The following UNC5D variants were observed in gnomAD, a reference collection of about 807,000 sequenced individuals.
UNC5D encodes the protein netrin receptor UNC5D.
In UNC5D, 39 loss-of-function variants were observed where a neutral mutation model predicts 105.4. That is an observed-to-expected ratio of 0.37 (90% CI 0.29 to 0.48). UNC5D has a LOEUF of 0.48. UNC5D is among the 20% of genes least tolerant of loss of function. UNC5D has a pLI of 0.98. For synonymous variants in UNC5D, 452 were observed against 450.4 expected, an observed-to-expected ratio of 1.00 and a Z score of -0.04; for missense variants, 991 against 1,202.4, an observed-to-expected ratio of 0.82 and a Z score of 2.60.
intron 1 of UNC5D, among the ~76,000 whole-genome samples, chr8:35,381,749 T>TTTGCTC (rs1186056558): frequency 6.6e-6 from 1 of 152,190 alleles, no homozygotes; most frequent in African/African-American, 2.4e-5. Context: ...ATATTGAAGT[T>TTTGCTC]TTGCTCCTTT....
chr8:35,500,289 C>T (rs62505510), intron 1 of UNC5D, among the ~76,000 whole-genome samples: 14,196 of 152,106 alleles, frequency 0.093, 929 homozygotes, highest in Non-Finnish European at 0.14. Context: ...CATTATATGG[C>T]GAGAGGGAGA....
At chr8:35,293,946 A>G (rs1395672411) in intron 1 of UNC5D, among the ~76,000 whole-genome samples, 1 of 152,132 alleles carries the variant, frequency 6.6e-6, no homozygotes. Flanking sequence ...TTTGTGTTGA[A>G]TACATGGGGT....
chr8:35,491,317 A>G (rs997736751), intron 1 of UNC5D, among the ~76,000 whole-genome samples: 3 of 152,190 alleles, frequency 2.0e-5, no homozygotes, highest in African/African-American at 7.2e-5. Flanking sequence ...TTAAATAAGC[A>G]TAACCTGAAC....
intron 1 of UNC5D, among the ~76,000 whole-genome samples, chr8:35,306,435 C>T (rs141874857): frequency 2.3e-3 from 346 of 152,018 alleles, no homozygotes; most frequent in Non-Finnish European, 3.9e-3. Flanking sequence ...TTTAGCCAGT[C>T]CTAACATGTT....
chr8:35,302,721 T>C (rs945652321), intron 1 of UNC5D, among the ~76,000 whole-genome samples: 1 of 152,196 alleles, frequency 6.6e-6, no homozygotes. Flanking sequence ...AAACTTACGG[T>C]ATAGGTAATA....
chr8:35,239,568 T>C (rs1382473291), intron 1 of UNC5D, among the ~76,000 whole-genome samples: 1 of 152,050 alleles, frequency 6.6e-6, no homozygotes, highest in Non-Finnish European at 1.5e-5. Flanking sequence ...AAGTGATTTA[T>C]TCCATAGCAT....
intron 2 of UNC5D, among the ~76,000 whole-genome samples, chr8:35,562,012 A>G (rs1163199455): frequency 6.6e-6 from 1 of 152,102 alleles, no homozygotes; most frequent in East Asian, 1.9e-4. Context: ...CCCATTCTTC[A>G]ACCTGTCTTC....
chr8:35,576,194 C>G (rs1242500740), intron 3 of UNC5D, among the ~76,000 whole-genome samples: 1 of 152,182 alleles, frequency 6.6e-6, no homozygotes, highest in Admixed American at 6.5e-5. Context: ...TGCATTAAAT[C>G]AAGCATGGAA....
At position 35,453,347 on chromosome 8, in the gene UNC5D, T is replaced by C. The variant is rs548331147; in HGVS notation, c.104-95945T>C. On this transcript the variant is annotated intron_variant, in intron 1 of 16. Coordinates refer to ENST00000404895, the MANE Select transcript of UNC5D (RefSeq NM_080872.4). ...TTTATGAAGCAAAGGTGTTGTACTG[T>C]GAGGGTCTTGAAAAATGGGTGTGCT... Among the ~76,000 whole-genome samples the C allele has an allele frequency of 1.6e-4, 24 of 152,192 alleles. No individual in the cohort carries two copies. The East Asian group carries it at 4.6e-3, about 29-fold the overall frequency.
At chr8:35,342,463 C>T (rs1009257393) in intron 1 of UNC5D, among the ~76,000 whole-genome samples, 11 of 152,086 alleles carry the variant, frequency 7.2e-5, no homozygotes, top group Admixed American at 1.3e-4. Context: ...AATCCACCAT[C>T]GGCAGATAAT....
intron 9 of UNC5D, 116 bp downstream of exon 9, chr8:35,722,511 T>C (rs1828637834): frequency 1.5e-6 from 2 of 1,351,960 alleles, no homozygotes; most frequent in African/African-American, 1.5e-5. Context: ...TGGGAGCCGC[T>C]ACCAAATTGT....
At chr8:35,312,607 A>G (rs1031320182) in intron 1 of UNC5D, among the ~76,000 whole-genome samples, 1 of 152,162 alleles carries the variant, frequency 6.6e-6, no homozygotes, top group Admixed American at 6.5e-5. Context: ...ACAAGGTAAA[A>G]TTTTAAAATG....
chr8:35,472,707 G>A (rs1809820237), intron 1 of UNC5D, among the ~76,000 whole-genome samples: 1 of 152,200 alleles, frequency 6.6e-6, no homozygotes, highest in Admixed American at 6.5e-5. Flanking sequence ...GGAGAATCCT[G>A]TTGAAGCTCA....
intron 1 of UNC5D, among the ~76,000 whole-genome samples, chr8:35,464,733 T>G (rs1347287143): frequency 2.0e-5 from 3 of 152,234 alleles, no homozygotes. Flanking sequence ...TTTTATTGAC[T>G]CATGTAGCTT....
intron 1 of UNC5D, among the ~76,000 whole-genome samples, chr8:35,298,996 A>C (rs1807715584): frequency 6.6e-6 from 1 of 152,150 alleles, no homozygotes; most frequent in Admixed American, 6.5e-5. Context: ...CTTCAAAGAC[A>C]ATGTCTCCAC....
At chr8:35,567,593 G>A (rs1044823130) in intron 2 of UNC5D, among the ~76,000 whole-genome samples, 4 of 152,066 alleles carry the variant, frequency 2.6e-5, no homozygotes, top group East Asian at 1.9e-4. Flanking sequence ...CGATGCCTTC[G>A]TCCTTCCTCA....
intron 7 of UNC5D, among the ~76,000 whole-genome samples, chr8:35,688,137 C>CA (rs572359971): frequency 2.3e-3 from 314 of 135,006 alleles, no homozygotes; most frequent in Admixed American, 3.1e-3. Context: ...GCCTCAAAAA[C>CA]AAAAAAAAAC....
intron 1 of UNC5D, among the ~76,000 whole-genome samples, chr8:35,296,823 A>G (rs571886745): frequency 7.9e-5 from 12 of 152,298 alleles, no homozygotes; most frequent in Admixed American, 6.5e-4. Flanking sequence ...AAATAAATAT[A>G]TCACCCCTCT....
At chr8:35,639,956 C>A (rs1244869807) in intron 4 of UNC5D, among the ~76,000 whole-genome samples, 2 of 151,826 alleles carry the variant, frequency 1.3e-5, no homozygotes, top group Non-Finnish European at 2.9e-5. Context: ...AACTCCTGCC[C>A]ATAAGCGATC....
Sources: allele counts gnomAD v4.1 joint callset (sites outside exome capture counted in the v4.1 genomes callset), GRCh38; gene constraint gnomAD v4.1.1; transcripts MANE v1.5; gene names NCBI Gene and HGNC (gene_info 2026-07-23, HGNC 2026-07-21).